Variants in SDR9C7 observed in about 807,000 individuals in gnomAD.
SDR9C7 encodes the protein short-chain dehydrogenase/reductase family 9C member 7.
A neutral mutation model predicts 23.6 loss-of-function variants in SDR9C7; 11 were observed. The observed-to-expected ratio is 0.47, with a 90% CI of 0.29 to 0.77. The LOEUF (loss-of-function observed/expected upper bound fraction) is 0.77. Ranked by LOEUF, SDR9C7 falls within the 30% of genes least tolerant of loss-of-function variation. The pLI is 0.09. For missense variants in SDR9C7, 387 were observed against 407.1 expected (o/e 0.95, Z 0.42); for synonymous variants, 167 against 157.3 (o/e 1.06, Z -0.46).
rs2136371290 is a variant in SDR9C7 at position 56,934,374 on chromosome 12, C to T, written c.-113G>A. On this transcript the variant is annotated 5_prime_UTR_variant, in exon 1 of 4. Transcript: ENST00000293502. ...TGCAGGAAACCACCTGGAAGAAGAA[C>T]TCTCCTTCCTCCCACAGCTTGCAAC... is the stretch of plus-strand genomic sequence containing the variant. The T allele has an allele frequency of 1.2e-6, 1 of 850,286 alleles. No individual in the cohort carries two copies. The highest frequency in any genetic ancestry group is 1.8e-6 in the Non-Finnish European group (1 of 551,074). 52.7% of individuals were successfully genotyped at this position (850,286 alleles called of 1,614,324 possible).
chr12:56,929,706 C>T (rs1423605824), intron 2 of SDR9C7, among the ~76,000 whole-genome samples, 153 bp from the exon 3 acceptor site: 1 of 152,230 alleles, frequency 6.6e-6, no homozygotes, highest in African/African-American at 2.4e-5. Context: ...TAAGCCCTTC[C>T]TTAGGGACTC....
chr12:56,930,153 A>G (rs1343446766), intron 2 of SDR9C7, 73 bp downstream of exon 2: 7 of 1,547,320 alleles, frequency 4.5e-6, no homozygotes, highest in Non-Finnish European at 5.3e-6. Context: ...CCCTGCCCAC[A>G]TGCTGTCACT....
chr12:56,923,573 C>T lies in SDR9C7; in HGVS notation c.*260G>A. The T allele has an allele frequency of 3.0e-6, 1 of 332,904 alleles. No individual in the cohort carries two copies. Among genetic ancestry groups the T allele is most frequent in the Non-Finnish European group, 5.5e-6 (1 of 182,852 alleles). The allele number at this position is 332,904 out of a possible 1,614,324, so 20.6% of individuals were successfully genotyped here. ...AAAAAGCTGTATCCTGATTGGGTGACAGACGTCCTTGGAGCTATTGCTGCA... is the reference window on the plus strand; with the variant it reads ...AAAAAGCTGTATCCTGATTGGGTGATAGACGTCCTTGGAGCTATTGCTGCA... On this transcript the variant is annotated 3_prime_UTR_variant, in exon 4 of 4. Transcript: ENST00000293502.
chr12:56,924,796 C>T (rs1305628886), intron 3 of SDR9C7, among the ~76,000 whole-genome samples: 2 of 152,118 alleles, frequency 1.3e-5, no homozygotes, highest in South Asian at 2.1e-4. Flanking sequence ...TGGCGCGTGC[C>T]TATAATCGCA....
chr12:56,929,325 C>G, intron 3 of SDR9C7, 65 bp downstream of exon 3: 1 of 1,512,674 alleles, frequency 6.6e-7, no homozygotes, highest in South Asian at 1.2e-5. Context: ...AAACGGAAAG[C>G]CAGCTAATGA....
Position 56,928,800 on chromosome 12 carries a change from T to C in SDR9C7, c.724+590A>G, listed in dbSNP as rs7132648. ...CACCTCTACCCTCCAAAAACACCTA[T>C]GATTCACAGGAGACCCTCAGCTCAG... On this transcript the variant is annotated intron_variant, in intron 3 of 3. Coordinates refer to ENST00000293502, the MANE Select transcript of SDR9C7 (RefSeq NM_148897.3). Among the ~76,000 whole-genome samples, 1,512 of 152,216 alleles carry C rather than the reference T, an allele frequency of 9.9e-3. 29 individuals carry two copies. Among genetic ancestry groups the C allele is most frequent in the African/African-American group, 0.033 (1,383 of 41,518 alleles).
chr12:56,924,176 C>A, intron 3 of SDR9C7, 126 bp from the exon 4 acceptor site: 1 of 635,278 alleles, frequency 1.6e-6, no homozygotes, highest in Non-Finnish European at 2.7e-6. Context: ...GTCCGCCACA[C>A]CCTCCAGGTG....
At chr12:56,927,864 A>C (rs965576796) in intron 3 of SDR9C7, among the ~76,000 whole-genome samples, 3 of 152,214 alleles carry the variant, frequency 2.0e-5, no homozygotes, top group African/African-American at 7.2e-5. Context: ...GTTGTACCTG[A>C]AGCTTATCTT....
intron 3 of SDR9C7, among the ~76,000 whole-genome samples, chr12:56,926,988 C>G (rs962551302): frequency 6.6e-6 from 1 of 152,202 alleles, no homozygotes; most frequent in East Asian, 1.9e-4. Context: ...ATCTTCCCTG[C>G]TAGTTTCCTG....
chr12:56,925,163 C>T (rs985369624), intron 3 of SDR9C7, among the ~76,000 whole-genome samples: 2 of 152,136 alleles, frequency 1.3e-5, no homozygotes, highest in Non-Finnish European at 2.9e-5. Context: ...ACAAGCACCT[C>T]GTGGGGCCCT....
At chr12:56,929,770 C>T (rs1955756505) in intron 2 of SDR9C7, among the ~76,000 whole-genome samples, 1 of 152,236 alleles carries the variant, frequency 6.6e-6, no homozygotes. Flanking sequence ...TTAGGCACAA[C>T]CAGCGGGAAG....
Position 56,923,982 on chromosome 12 carries a change from C to G in SDR9C7, c.793G>C (p.Glu265Gln). The change falls in exon 4 of 4, where the codon GAG (glutamate) becomes CAG (glutamine). Residue 265 changes from glutamate (E) to glutamine (Q), a missense_variant. Coordinates refer to ENST00000293502, the MANE Select transcript of SDR9C7 (RefSeq NM_148897.3). ...PRVRDVINSMEHAIVSRSPRI... is the reference protein window; with the variant it reads ...PRVRDVINSMQHAIVSRSPRI... Reference sequence around the variant, plus strand: ...GGGCTCCGGGAAACAATAGCATGCTCCATGCTGTTGATGACATCTCTGACT... The same window carrying G: ...GGGCTCCGGGAAACAATAGCATGCTGCATGCTGTTGATGACATCTCTGACT... 6.2e-7 allele frequency: 1 copy of G among 1,613,612 alleles called. No individual in the cohort carries two copies. The highest frequency in any genetic ancestry group is 8.5e-7 in the Non-Finnish European group (1 of 1,179,540).
intron 3 of SDR9C7, among the ~76,000 whole-genome samples, chr12:56,927,486 C>T (rs1404640046): frequency 6.6e-6 from 1 of 152,210 alleles, no homozygotes; most frequent in Non-Finnish European, 1.5e-5. Context: ...CCTCTGGGGA[C>T]CTATGCCTCC....
In SDR9C7 at chr12:56,923,830, A is replaced by C; in HGVS notation, c.*3T>G. The C allele has an allele frequency of 6.3e-7, 1 of 1,590,224 alleles. No individual in the cohort carries two copies. The highest frequency in any genetic ancestry group is 8.6e-7 in the Non-Finnish European group (1 of 1,165,456). On this transcript the variant is annotated 3_prime_UTR_variant, in exon 4 of 4. Coordinates refer to ENST00000293502, the MANE Select transcript of SDR9C7 (RefSeq NM_148897.3). ...CTCCACTGACCCATTGATCCTCCCCAGTTTAGACACTGTCCGCTGGCCTTG... is the reference window on the plus strand; with the variant it reads ...CTCCACTGACCCATTGATCCTCCCCCGTTTAGACACTGTCCGCTGGCCTTG...
At chr12:56,926,526 C>T (rs1172488219) in intron 3 of SDR9C7, among the ~76,000 whole-genome samples, 1 of 152,198 alleles carries the variant, frequency 6.6e-6, no homozygotes, top group Admixed American at 6.5e-5. Context: ...CAATCATCAC[C>T]CACAGCACTC....
rs897210125 is a variant in SDR9C7 at position 56,923,137 on chromosome 12, C to T, written c.*696G>A. The T allele has an allele frequency of 6.6e-6, 1 of 152,010 alleles. No homozygotes were observed. Among genetic ancestry groups the T allele is most frequent in the African/African-American group, 2.4e-5 (1 of 41,388 alleles). 9.4% of individuals were successfully genotyped at this position (152,010 alleles called of 1,614,324 possible). On this transcript the variant is annotated 3_prime_UTR_variant, in exon 4 of 4. Transcript: ENST00000293502. Reference sequence around the variant, plus strand: ...AAAGCAAAGCAAAACACAAAATAAACAATAAAAAACCAAGACCATGATTTA... The same window carrying T: ...AAAGCAAAGCAAAACACAAAATAAATAATAAAAAACCAAGACCATGATTTA...
At chr12:56,924,111 C>T (rs780461698) in intron 3 of SDR9C7, 61 bp from the exon 4 acceptor site, 43 of 1,212,320 alleles carry the variant, frequency 3.5e-5, no homozygotes, top group Non-Finnish European at 4.5e-5. Context: ...TGGCTTCTTC[C>T]GAATTCCATC....
At chr12:56,928,705 G>A (rs150345351) in intron 3 of SDR9C7, among the ~76,000 whole-genome samples, 1 of 152,178 alleles carries the variant, frequency 6.6e-6, no homozygotes, top group Non-Finnish European at 1.5e-5. Context: ...CTCTGTTGAC[G>A]TACGACATCC....
intron 3 of SDR9C7, among the ~76,000 whole-genome samples, chr12:56,927,708 C>T (rs1955743488): frequency 6.6e-6 from 1 of 152,198 alleles, no homozygotes; most frequent in African/African-American, 2.4e-5. Context: ...CCCAGCAGAC[C>T]TCACCCTAGG....
Sources: gnomAD v4.1 joint callset for allele counts (sites outside exome capture counted in the v4.1 genomes callset) on GRCh38, gnomAD v4.1.1 for gene constraint, MANE v1.5 for transcripts, NCBI Gene and HGNC (gene_info 2026-07-23, HGNC 2026-07-21) for gene names.